Variants in USH2A observed in about 807,000 individuals in gnomAD.
USH2A encodes the protein Usher syndrome 2A (autosomal recessive, mild).
In USH2A, 443 loss-of-function variants were observed where a neutral mutation model predicts 538.9. That is an observed-to-expected ratio of 0.82 (90% CI 0.76 to 0.89). The LOEUF (loss-of-function observed/expected upper bound fraction) is 0.89, where lower values mean the gene tolerates loss of function less well. Among genes scored for constraint, USH2A ranks in the 40% least tolerant of loss-of-function variants. USH2A has a pLI of 0.00. For missense variants in USH2A, 6,633 were observed against 6,324.8 expected, an observed-to-expected ratio of 1.05 and a Z score of -1.65; for synonymous variants, 2,413 against 2,273.5, an observed-to-expected ratio of 1.06 and a Z score of -1.75.
In USH2A at chr1:215,883,296, A is replaced by G. The variant is rs6665181; in HGVS notation, c.8224-4198T>C. 8.1e-3 allele frequency among the ~76,000 whole-genome samples: 1,227 copies of G among 152,200 alleles called. 11 individuals are homozygous for G. Among genetic ancestry groups the G allele is most frequent in the Middle Eastern group, 0.027 (8 of 294 alleles). On this transcript the variant is annotated intron_variant, in intron 41 of 71. Transcript: ENST00000307340. ...GAAGGCCTATGCATATTAAGGTGAA[A>G]TTGATTTGTCTGTAGTATGTGTTAC...
intron 50 of USH2A, 118 bp downstream of exon 50, chr1:215,798,789 A>G: frequency 8.8e-7 from 1 of 1,139,566 alleles, no homozygotes; most frequent in Non-Finnish European, 1.3e-6. Context: ...TAATTATTGC[A>G]TTAGATATAA....
chr1:215,890,952 TA>T lies in USH2A; in HGVS notation c.7595-1899del, dbSNP rs574123358. Among the ~76,000 whole-genome samples the T allele has an allele frequency of 4.6e-5, 7 of 152,290 alleles. No individual in the cohort carries two copies. The South Asian group carries it at 1.0e-3, about 23-fold the overall frequency. ...AGTAATATACACTTAAAAATCAGAA[TA>T]TTTTTTATTAGGGTTTTCATCTGGG... is the stretch of plus-strand genomic sequence containing the variant. On this transcript the variant is annotated intron_variant, in intron 40 of 71. Coordinates refer to ENST00000307340, the MANE Select transcript of USH2A (RefSeq NM_206933.4).
chr1:216,234,208 C>T (rs775048615), intron 13 of USH2A, among the ~76,000 whole-genome samples: 2 of 151,956 alleles, frequency 1.3e-5, no homozygotes, highest in Non-Finnish European at 2.9e-5. Context: ...TTATAGTTAC[C>T]AACAATTGGG....
At chr1:216,015,982 GT>G (rs1668700739) in intron 32 of USH2A, among the ~76,000 whole-genome samples, 1 of 152,126 alleles carries the variant, frequency 6.6e-6, no homozygotes, top group Non-Finnish European at 1.5e-5. Flanking sequence ...AGAAAATTTG[GT>G]ACATATACAC....
chr1:215,954,660 C>T (rs1667018170), intron 37 of USH2A, among the ~76,000 whole-genome samples: 1 of 151,792 alleles, frequency 6.6e-6, no homozygotes, highest in Non-Finnish European at 1.5e-5. Flanking sequence ...CACATGTATA[C>T]ATATGTAACT....
intron 21 of USH2A, among the ~76,000 whole-genome samples, chr1:216,098,169 C>T (rs1161660127): frequency 6.6e-6 from 1 of 152,206 alleles, no homozygotes; most frequent in Non-Finnish European, 1.5e-5. Flanking sequence ...CCACTCTACT[C>T]AGTATCCCAC....
intron 62 of USH2A, among the ~76,000 whole-genome samples, chr1:215,678,730 A>G (rs538685856): frequency 5.9e-5 from 9 of 152,208 alleles, no homozygotes; most frequent in African/African-American, 2.2e-4. Flanking sequence ...ACACACACAC[A>G]CACGCACGTG....
rs1370448980 is a variant in USH2A at position 216,247,232 on chromosome 1, G to C, written c.2168-6C>G. On this transcript the variant is annotated splice_polypyrimidine_tract_variant and splice_region_variant and intron_variant, in intron 12 of 71. Coordinates refer to ENST00000307340, the MANE Select transcript of USH2A (RefSeq NM_206933.4). The stretch of plus-strand genomic sequence containing the variant: ...GCAATGATCACACCTAAGCCCTAAA[G>C]ATAAAATATATTTAAAAGGTGAGGA... The C allele has an allele frequency of 6.2e-7, 1 of 1,613,414 alleles. No homozygotes were observed. The highest frequency in any genetic ancestry group is 1.3e-5 in the African/African-American group (1 of 74,864).
chr1:216,118,813 A>G (rs2033066701), intron 21 of USH2A, among the ~76,000 whole-genome samples: 1 of 152,242 alleles, frequency 6.6e-6, no homozygotes, highest in Non-Finnish European at 1.5e-5. Flanking sequence ...TCAGCCACCC[A>G]TTAAAGACCT....
At chr1:216,365,478 T>C (rs1174087006) in intron 3 of USH2A, among the ~76,000 whole-genome samples, 1 of 152,118 alleles carries the variant, frequency 6.6e-6, no homozygotes, top group Non-Finnish European at 1.5e-5. Flanking sequence ...AAACCAGATA[T>C]AACAACAAAG....
At chr1:215,734,754 C>G (rs1350260800) in intron 60 of USH2A, among the ~76,000 whole-genome samples, 1 of 152,206 alleles carries the variant, frequency 6.6e-6, no homozygotes, top group African/African-American at 2.4e-5. Flanking sequence ...TGTAATGGAA[C>G]CTAGTTCTTT....
At position 216,048,561 on chromosome 1, in the gene USH2A, C is replaced by T; in HGVS notation, c.6136G>A (p.Ala2046Thr). The T allele has an allele frequency of 6.2e-7, 1 of 1,614,076 alleles. No homozygotes were observed. ...TLAGCTESSH[A>T]LNISTPQEAP... ...TCTTGTGGAGTAGAGATGTTCAATG[C>T]ATGTGAGCTCTCAGTACAGCCAGCC... Residue 2046 changes from alanine (A) to threonine (T), a missense_variant, in exon 31 of 72, where the codon GCA becomes ACA. Physicochemically the swap from Ala to Thr is moderately conservative, Grantham distance 58. Coordinates refer to ENST00000307340, the MANE Select transcript of USH2A (RefSeq NM_206933.4).
intron 21 of USH2A, among the ~76,000 whole-genome samples, chr1:216,149,131 G>A (rs1462603231): frequency 6.6e-6 from 1 of 152,082 alleles, no homozygotes; most frequent in East Asian, 1.9e-4. Flanking sequence ...ACCACACCCT[G>A]TAGCCTTTCT....
chr1:216,324,059 A>G, intron 7 of USH2A, 109 bp downstream of exon 7: 1 of 1,229,462 alleles, frequency 8.1e-7, no homozygotes, highest in Non-Finnish European at 1.1e-6. Context: ...ATCTGCCTCA[A>G]GGAAGTTGGT....
At chr1:215,949,573 A>G (rs1666859695) in intron 37 of USH2A, among the ~76,000 whole-genome samples, 1 of 152,116 alleles carries the variant, frequency 6.6e-6, no homozygotes, top group Non-Finnish European at 1.5e-5. Context: ...ATTCAATCAG[A>G]TTAGAAACAG....
At chr1:215,903,854 C>G (rs1400776576) in intron 38 of USH2A, among the ~76,000 whole-genome samples, 1 of 152,082 alleles carries the variant, frequency 6.6e-6, no homozygotes, top group Admixed American at 6.6e-5. Flanking sequence ...CTAGAAAGTG[C>G]AAGAAGATTG....
In USH2A at chr1:216,165,128, T is replaced by G. The variant is rs74141516; in HGVS notation, c.4627+10124A>C. Among the ~76,000 whole-genome samples, 1,071 of 152,308 alleles carry G rather than the reference T, an allele frequency of 7.0e-3. 9 individuals are homozygous for G. Among genetic ancestry groups the G allele is most frequent in the African/African-American group, 0.019 (802 of 41,590 alleles). On this transcript the variant is annotated intron_variant, in intron 21 of 71. Coordinates refer to ENST00000307340, the MANE Select transcript of USH2A (RefSeq NM_206933.4). Reference sequence around the variant, plus strand: ...CAATCAGCATGATGCTGTTAATCCATCCATAGCATTGATCACTGTTGTTTT... The same window carrying G: ...CAATCAGCATGATGCTGTTAATCCAGCCATAGCATTGATCACTGTTGTTTT...
intron 60 of USH2A, among the ~76,000 whole-genome samples, chr1:215,740,722 C>A (rs1472031518): frequency 6.6e-6 from 1 of 152,198 alleles, no homozygotes; most frequent in African/African-American, 2.4e-5. Flanking sequence ...AAGCAGTGGT[C>A]CCCAAACTTT....
intron 55 of USH2A, among the ~76,000 whole-genome samples, chr1:215,776,037 T>C (rs535866322): frequency 8.5e-5 from 13 of 152,208 alleles, no homozygotes; most frequent in Admixed American, 5.2e-4. Context: ...TCAGTGGCCT[T>C]AATTATTTAG....
Sources: gnomAD v4.1 joint callset for allele counts (sites outside exome capture counted in the v4.1 genomes callset) on GRCh38, gnomAD v4.1.1 for gene constraint, MANE v1.5 for transcripts, NCBI Gene and HGNC (gene_info 2026-07-23, HGNC 2026-07-21) for gene names.